The following ITGA9 variants were observed in gnomAD, a reference collection of about 807,000 sequenced individuals.
ITGA9 encodes the protein integrin alpha-9.
ITGA9 carries 56 observed loss-of-function variants against 127.8 expected under a neutral mutation model. The ratio of observed to expected loss-of-function variants is 0.44; its 90% confidence interval spans 0.35 to 0.55. The LOEUF is 0.55. Among genes scored for constraint, ITGA9 ranks in the 20% least tolerant of loss-of-function variants. ITGA9 has a pLI of 0.00. For missense variants in ITGA9, 1,196 were observed against 1,347.1 expected, an observed-to-expected ratio of 0.89 and a Z score of 1.76; for synonymous variants, 508 against 514.5, an observed-to-expected ratio of 0.99 and a Z score of 0.17.
chr3:37,610,799 T>C (rs1392372049), intron 15 of ITGA9, among the ~76,000 whole-genome samples: 1 of 152,232 alleles, frequency 6.6e-6, no homozygotes, highest in Non-Finnish European at 1.5e-5. Context: ...TGTCTGTCTC[T>C]GTTATTGCAT....
intron 14 of ITGA9, among the ~76,000 whole-genome samples, chr3:37,537,442 A>G (rs988012104): frequency 6.6e-6 from 1 of 152,216 alleles, no homozygotes; most frequent in African/African-American, 2.4e-5. Context: ...CTCCAGTGTC[A>G]CAGTGCAGGG....
At chr3:37,655,226 G>A (rs1700466010) in intron 17 of ITGA9, among the ~76,000 whole-genome samples, 1 of 152,066 alleles carries the variant, frequency 6.6e-6, no homozygotes, top group South Asian at 2.1e-4. Context: ...GGGATGGCTG[G>A]GTCAAATGGT....
intron 23 of ITGA9, among the ~76,000 whole-genome samples, chr3:37,762,135 C>G (rs1696729867): frequency 6.6e-6 from 1 of 152,224 alleles, no homozygotes; most frequent in Admixed American, 6.5e-5. Flanking sequence ...CTTTAGGAAG[C>G]CAAAACCCAC....
chr3:37,482,692 T>C (rs1270959945), intron 4 of ITGA9, among the ~76,000 whole-genome samples: 1 of 152,044 alleles, frequency 6.6e-6, no homozygotes, highest in Non-Finnish European at 1.5e-5. Flanking sequence ...GGTACTGAGG[T>C]GACACAGGTA....
intron 17 of ITGA9, among the ~76,000 whole-genome samples, chr3:37,655,427 T>C (rs963083921): frequency 1.3e-5 from 2 of 152,266 alleles, no homozygotes; most frequent in Non-Finnish European, 2.9e-5. Flanking sequence ...GGTTTTGATT[T>C]GCATTTCTGT....
intron 26 of ITGA9, among the ~76,000 whole-genome samples, chr3:37,789,685 C>T (rs2844402): frequency 0.11 from 15,415 of 138,028 alleles, 895 homozygotes; most frequent in Middle Eastern, 0.22. Flanking sequence ...AGGAGAATGG[C>T]GTGAACCCAG....
intron 15 of ITGA9, among the ~76,000 whole-genome samples, chr3:37,585,944 T>C (rs1559542716): frequency 2.0e-5 from 3 of 152,230 alleles, no homozygotes; most frequent in Non-Finnish European, 4.4e-5. Flanking sequence ...ACGTGTATCC[T>C]GAGTCATATT....
rs1044783290 is a variant in ITGA9, at chr3:37,473,161, A to G, written c.314-193A>G. Reference sequence around the variant, plus strand: ...CAAAAAAAAAAAAAAAAAAAAAAAAAGAAAGAAAAAGAAAGCCTTGCTATG... The same window carrying G: ...CAAAAAAAAAAAAAAAAAAAAAAAAGGAAAGAAAAAGAAAGCCTTGCTATG... On this transcript the variant is annotated intron_variant, in intron 2 of 27. Coordinates refer to ENST00000264741, the MANE Select transcript of ITGA9 (RefSeq NM_002207.3). 3.6e-5 allele frequency among the ~76,000 whole-genome samples: 5 copies of G among 140,126 alleles called. No individual in the cohort carries two copies. In the East Asian group the frequency reaches 1.0e-3, roughly 29 times the overall value. 91.9% of individuals were successfully genotyped at this position (140,126 alleles called of 152,430 possible).
chr3:37,595,841 T>C (rs531566793), intron 15 of ITGA9, among the ~76,000 whole-genome samples: 1 of 152,328 alleles, frequency 6.6e-6, no homozygotes, highest in Admixed American at 6.5e-5. Context: ...CGACCTTGTG[T>C]GTTTGTCTCC....
chr3:37,655,269 C>T (rs912940198), intron 17 of ITGA9, among the ~76,000 whole-genome samples: 4 of 152,210 alleles, frequency 2.6e-5, no homozygotes. Flanking sequence ...GGAATTGCCA[C>T]ACTGTTTTCC....
At chr3:37,606,070 C>T (rs1409973592) in intron 15 of ITGA9, among the ~76,000 whole-genome samples, 2 of 152,186 alleles carry the variant, frequency 1.3e-5, no homozygotes, top group Non-Finnish European at 2.9e-5. Flanking sequence ...CGGCAGATTG[C>T]TGTATTCTTG....
intron 27 of ITGA9, chr3:37,807,874 C>T (rs953501372): frequency 6.6e-6 from 1 of 152,186 alleles, no homozygotes; most frequent in African/African-American, 2.4e-5. Flanking sequence ...AGCTGTCTCT[C>T]CTTAAGATAA....
At chr3:37,550,112 C>T (rs1699364614) in intron 15 of ITGA9, among the ~76,000 whole-genome samples, 1 of 152,188 alleles carries the variant, frequency 6.6e-6, no homozygotes, top group Non-Finnish European at 1.5e-5. Flanking sequence ...AAGGGACTTG[C>T]TCACAACCTT....
intron 15 of ITGA9, among the ~76,000 whole-genome samples, chr3:37,570,813 C>T (rs747173200): frequency 6.6e-6 from 1 of 152,134 alleles, no homozygotes; most frequent in Admixed American, 6.5e-5. Context: ...GGATGAGAAT[C>T]CAAGTTATGA....
intron 16 of ITGA9, among the ~76,000 whole-genome samples, chr3:37,632,713 C>T (rs1479608107): frequency 6.6e-6 from 1 of 152,102 alleles, no homozygotes; most frequent in Non-Finnish European, 1.5e-5. Context: ...GCAAAGAATG[C>T]AGGAATGTTG....
intron 4 of ITGA9, among the ~76,000 whole-genome samples, chr3:37,490,975 C>CCCTTTTTTTTTTTTTTTTTTTTTT (rs548395527): frequency 9.5e-6 from 1 of 105,104 alleles, no homozygotes. Flanking sequence ...TTCCCCCCCG[C>CCCTTTTTTTTTTTTTTTTTTTTTT]TTTTTTTTTT....
chr3:37,699,614 C>T (rs1463283410), intron 18 of ITGA9, among the ~76,000 whole-genome samples: 2 of 152,198 alleles, frequency 1.3e-5, no homozygotes, highest in East Asian at 3.8e-4. Flanking sequence ...TTACACTCCT[C>T]CTCTTACACT....
At chr3:37,769,168 A>G (rs1197354560) in intron 23 of ITGA9, among the ~76,000 whole-genome samples, 1 of 151,760 alleles carries the variant, frequency 6.6e-6, no homozygotes, top group Non-Finnish European at 1.5e-5. Context: ...GTGAAACCCC[A>G]TCTCTACTAA....
intron 15 of ITGA9, among the ~76,000 whole-genome samples, chr3:37,615,943 G>GT (rs1384116365): frequency 4.6e-5 from 7 of 152,002 alleles, no homozygotes; most frequent in African/African-American, 1.2e-4. Context: ...TTTTTGAAGG[G>GT]TTTTTTGTGT....
Sources: gnomAD v4.1 joint callset for allele counts (sites outside exome capture counted in the v4.1 genomes callset) on GRCh38, gnomAD v4.1.1 for gene constraint, MANE v1.5 for transcripts, NCBI Gene and HGNC (gene_info 2026-07-23, HGNC 2026-07-21) for gene names.